The following RORB variants were observed in gnomAD, a reference collection of about 807,000 sequenced individuals.
The protein encoded by RORB is RAR related orphan receptor B, also known as nuclear receptor ROR-beta.
In RORB, 6 loss-of-function variants were observed where a neutral mutation model predicts 59.1. The ratio of observed to expected loss-of-function variants is 0.10; its 90% confidence interval spans 0.06 to 0.20. The LOEUF is 0.20. Ranked by LOEUF, RORB falls within the 10% of genes least tolerant of loss-of-function variation. The pLI, the probability that RORB is intolerant of heterozygous loss-of-function variation, is 1.00. For missense variants in RORB, 320 were observed against 560.5 expected, an observed-to-expected ratio of 0.57 and a Z score of 4.33; for synonymous variants, 215 against 204.5, an observed-to-expected ratio of 1.05 and a Z score of -0.44.
intron 1 of RORB, among the ~76,000 whole-genome samples, chr9:74,513,183 T>C (rs1024354062): frequency 6.6e-6 from 1 of 152,114 alleles, no homozygotes; most frequent in Non-Finnish European, 1.5e-5. Context: ...CATATTTTTG[T>C]GAATAAGTTT....
At chr9:74,673,488 T>C (rs1182125862) in intron 9 of RORB, among the ~76,000 whole-genome samples, 1 of 152,120 alleles carries the variant, frequency 6.6e-6, no homozygotes, top group African/African-American at 2.4e-5. Flanking sequence ...AGATGTGTTG[T>C]GAGGTTCAAA....
chr9:74,642,529 C>T lies in RORB; in HGVS notation c.351C>T (p.Ala117=). ...AGCAGCAGAGTGGGGAGGCAGAAGCCCTTGCCAGGGTGTACAGCAGCAGCA... is the reference window on the plus strand; with the variant it reads ...AGCAGCAGAGTGGGGAGGCAGAAGCTCTTGCCAGGGTGTACAGCAGCAGCA... ...QRQQQSGEAE[A]LARVYSSSIS... The change falls in exon 4 of 10, where the codon GCC becomes GCT. Residue 117 remains alanine, a synonymous_variant. Transcript: ENST00000376896. 1.2e-6 allele frequency: 2 copies of T among 1,614,196 alleles called. No individual in the cohort carries two copies. The highest frequency in any genetic ancestry group is 1.7e-6 in the Non-Finnish European group (2 of 1,180,044).
intron 1 of RORB, among the ~76,000 whole-genome samples, chr9:74,606,230 G>C (rs1823146928): frequency 1.3e-5 from 2 of 152,178 alleles, no homozygotes; most frequent in African/African-American, 4.8e-5. Context: ...ACCCTGGAGA[G>C]ATCAGAAAAT....
At chr9:74,592,564 C>A (rs1822915547) in intron 1 of RORB, among the ~76,000 whole-genome samples, 1 of 152,120 alleles carries the variant, frequency 6.6e-6, no homozygotes, top group Non-Finnish European at 1.5e-5. Flanking sequence ...ACTACCTGTA[C>A]ATGATCTGAA....
intron 1 of RORB, among the ~76,000 whole-genome samples, chr9:74,563,288 C>T (rs1245374862): frequency 4.6e-5 from 7 of 151,040 alleles, no homozygotes; most frequent in Admixed American, 1.3e-4. Flanking sequence ...CAGATTCAAG[C>T]GATTCTTCTG....
intron 1 of RORB, among the ~76,000 whole-genome samples, chr9:74,539,868 C>CAAA (rs11322021): frequency 3.5e-5 from 4 of 113,612 alleles, no homozygotes; most frequent in East Asian, 3.1e-4. Context: ...CTTAACCTCT[C>CAAA]AAAAAAAAAA....
chr9:74,661,870 C>T (rs897631547), intron 5 of RORB, among the ~76,000 whole-genome samples: 24 of 152,136 alleles, frequency 1.6e-4, no homozygotes, highest in African/African-American at 5.3e-4. Context: ...TGGTGTCGAT[C>T]TCCTGACCCT....
intron 1 of RORB, among the ~76,000 whole-genome samples, chr9:74,534,573 G>A (rs1021778388): frequency 6.6e-6 from 1 of 151,874 alleles, no homozygotes; most frequent in Non-Finnish European, 1.5e-5. Context: ...AATGACAGAT[G>A]CTAATTCTAA....
chr9:74,555,315 A>G (rs1157879138), intron 1 of RORB, among the ~76,000 whole-genome samples: 2 of 152,206 alleles, frequency 1.3e-5, no homozygotes, highest in Admixed American at 1.3e-4. Flanking sequence ...TTGTCCTAGC[A>G]GTGATTTAGC....
intron 1 of RORB, among the ~76,000 whole-genome samples, chr9:74,524,171 G>T (rs1343445184): frequency 6.6e-6 from 1 of 151,716 alleles, no homozygotes; most frequent in Non-Finnish European, 1.5e-5. Flanking sequence ...TTTATGTGAG[G>T]TGCTAGGAGG....
chr9:74,620,855 G>A (rs1823402857), intron 1 of RORB, among the ~76,000 whole-genome samples: 1 of 152,036 alleles, frequency 6.6e-6, no homozygotes, highest in Non-Finnish European at 1.5e-5. Flanking sequence ...GTTGAGCAGT[G>A]GGAGTTGGTT....
intron 4 of RORB, among the ~76,000 whole-genome samples, chr9:74,658,517 C>T (rs529144187): frequency 6.6e-6 from 1 of 152,238 alleles, no homozygotes; most frequent in South Asian, 2.1e-4. Context: ...TAAAGTTTTT[C>T]ACAATACAAT....
intron 1 of RORB, among the ~76,000 whole-genome samples, chr9:74,524,925 A>C (rs1252470402): frequency 6.6e-6 from 1 of 151,886 alleles, no homozygotes; most frequent in Non-Finnish European, 1.5e-5. Flanking sequence ...TAATAAGGAA[A>C]ATCTTTAGAA....
intron 1 of RORB, among the ~76,000 whole-genome samples, chr9:74,619,437 T>C (rs752267991): frequency 2.6e-5 from 4 of 152,136 alleles, no homozygotes; most frequent in African/African-American, 4.8e-5. Context: ...CTAAAATAAG[T>C]AGATGTTGGC....
At chr9:74,617,407 T>A (rs990228348) in intron 1 of RORB, among the ~76,000 whole-genome samples, 1 of 152,208 alleles carries the variant, frequency 6.6e-6, no homozygotes, top group Non-Finnish European at 1.5e-5. Context: ...AGTGATGTTG[T>A]CTCTGGGAAT....
At chr9:74,615,409 C>T in intron 1 of RORB, among the ~76,000 whole-genome samples, 1 of 152,212 alleles carries the variant, frequency 6.6e-6, no homozygotes, top group Non-Finnish European at 1.5e-5. Context: ...CTCCCACCTT[C>T]TGCGCCTGAG....
chr9:74,623,187 A>G (rs10869431), intron 1 of RORB, among the ~76,000 whole-genome samples: 116,673 of 151,550 alleles, frequency 0.77, 45,706 homozygotes, highest in East Asian at 0.93. Context: ...TGTTTCAAGA[A>G]AGCCTTTGTC....
At chr9:74,658,439 A>G (rs970663639) in intron 4 of RORB, among the ~76,000 whole-genome samples, 9 of 152,202 alleles carry the variant, frequency 5.9e-5, no homozygotes, top group African/African-American at 1.7e-4. Context: ...CTAAATTTTG[A>G]TATCAGAAGG....
intron 1 of RORB, among the ~76,000 whole-genome samples, chr9:74,584,241 C>T (rs1359073): frequency 0.96 from 145,955 of 152,290 alleles, 70,257 homozygotes; most frequent in East Asian, 1. Context: ...TTTTAAATAC[C>T]GCTATGTCAT....
Sources: allele counts gnomAD v4.1 joint callset (sites outside exome capture counted in the v4.1 genomes callset), GRCh38; gene constraint gnomAD v4.1.1; transcripts MANE v1.5; gene names NCBI Gene and HGNC (gene_info 2026-07-23, HGNC 2026-07-21).